Variants in AACS observed in about 807,000 individuals in gnomAD.
AACS encodes acetoacetate-CoA ligase.
Under a neutral mutation model 83.1 loss-of-function variants are expected in AACS, and 69 were observed. The ratio of observed to expected loss-of-function variants is 0.83; its 90% CI spans 0.68 to 1.01. The LOEUF is 1.01. Among genes scored for constraint, AACS ranks in the 50% least tolerant of loss-of-function variants. The pLI, the probability that AACS is intolerant of heterozygous loss-of-function variation, is 0.00. For missense variants in AACS, 866 were observed against 882.2 expected (o/e 0.98, Z 0.23); for synonymous variants, 333 against 343.4 (o/e 0.97, Z 0.33).
At chr12:125,121,539 T>C (rs1383175920) in intron 10 of AACS, 1 of 152,232 alleles carries the variant, frequency 6.6e-6, no homozygotes, top group Non-Finnish European at 1.5e-5. Flanking sequence ...TCAAAGAGCA[T>C]TTATTTTGTA....
At chr12:125,066,360 C>T (rs1432198914) in intron 1 of AACS, among the ~76,000 whole-genome samples, 1 of 151,930 alleles carries the variant, frequency 6.6e-6, no homozygotes, top group Non-Finnish European at 1.5e-5. Flanking sequence ...CGTGGGGTAA[C>T]CGCTCCGGGT....
At chr12:125,077,615 C>G (rs1956058139) in intron 3 of AACS, among the ~76,000 whole-genome samples, 1 of 152,040 alleles carries the variant, frequency 6.6e-6, no homozygotes, top group African/African-American at 2.4e-5. Flanking sequence ...AAGTCGTGTT[C>G]TGCCTCCAGA....
intron 7 of AACS, among the ~76,000 whole-genome samples, chr12:125,106,259 A>C (rs952366752): frequency 1.3e-5 from 2 of 152,206 alleles, no homozygotes; most frequent in African/African-American, 4.8e-5. Flanking sequence ...TGAATTCAAA[A>C]TAGAAAACCA....
chr12:125,080,462 G>T (rs1428067398), intron 3 of AACS, among the ~76,000 whole-genome samples: 1 of 145,864 alleles, frequency 6.9e-6, no homozygotes, highest in Non-Finnish European at 1.5e-5. Flanking sequence ...GACTGAACTG[G>T]GTGGGGTGTC....
chr12:125,078,495 T>A (rs1956085991), intron 3 of AACS: 1 of 370,522 alleles, frequency 2.7e-6, no homozygotes, highest in African/African-American at 2.1e-5. Flanking sequence ...CACCTGTCTG[T>A]TACATCCATT....
intron 5 of AACS, among the ~76,000 whole-genome samples, chr12:125,092,082 C>T (rs2136076591): frequency 6.6e-6 from 1 of 152,314 alleles, no homozygotes; most frequent in East Asian, 1.9e-4. Context: ...TGCTGATCCC[C>T]ACTGGGGCCC....
intron 3 of AACS, among the ~76,000 whole-genome samples, chr12:125,085,567 C>T (rs1208659555): frequency 6.6e-6 from 1 of 152,210 alleles, no homozygotes; most frequent in Non-Finnish European, 1.5e-5. Flanking sequence ...GAATCACGCA[C>T]ATGCACGTCG....
chr12:125,102,301 C>T (rs924699732), intron 5 of AACS: 10 of 189,550 alleles, frequency 5.3e-5, no homozygotes, highest in African/African-American at 1.7e-4. Context: ...TCACCTGCCT[C>T]GGCCTCTCAA....
intron 8 of AACS, among the ~76,000 whole-genome samples, chr12:125,108,463 G>A (rs1956880269): frequency 6.6e-6 from 1 of 152,096 alleles, no homozygotes; most frequent in Admixed American, 6.5e-5. Context: ...CCTTTTAAAG[G>A]CCCATTTAGT....
At chr12:125,117,733 A>G (rs1237137258) in intron 9 of AACS, 3 of 152,202 alleles carry the variant, frequency 2.0e-5, no homozygotes, top group African/African-American at 7.2e-5. Flanking sequence ...TGCCTGTAAT[A>G]CCAGCACTTT....
rs151031468 is a variant in AACS at position 125,087,157 on chromosome 12, C to T, written c.472+714C>T. ...CCTGAGGTGCTGGTCCGTTCTGACG[C>T]CCTTCCCGCCTTGAGCCATAAAGCA... On this transcript the variant is annotated intron_variant, in intron 4 of 17. Transcript: ENST00000316519. Among the ~76,000 whole-genome samples the T allele has an allele frequency of 2.4e-4, 37 of 152,170 alleles. 1 individual carries two copies. Among genetic ancestry groups the T allele is most frequent in the African/African-American group, 8.0e-4 (33 of 41,446 alleles).
intron 7 of AACS, among the ~76,000 whole-genome samples, chr12:125,104,418 C>T (rs1956789562): frequency 6.6e-6 from 1 of 152,218 alleles, no homozygotes; most frequent in South Asian, 2.1e-4. Context: ...AGGTACAAAT[C>T]ATGTGTCCTG....
intron 8 of AACS, among the ~76,000 whole-genome samples, chr12:125,109,798 A>G (rs1311126192): frequency 6.6e-6 from 1 of 152,098 alleles, no homozygotes; most frequent in East Asian, 1.9e-4. Flanking sequence ...TGACATTTTC[A>G]AAGAGCCCAG....
rs1471334746 is a variant in AACS at position 125,143,135 on chromosome 12, G to C, written c.*906G>C. 6.6e-6 allele frequency: 1 copy of C among 152,234 alleles called. No individual in the cohort carries two copies. The highest frequency in any genetic ancestry group is 1.5e-5 in the Non-Finnish European group (1 of 68,046). 9.4% of individuals were successfully genotyped at this position (152,234 alleles called of 1,614,324 possible). A position where few individuals can be genotyped will look rare whatever the true frequency, so the allele number is the denominator to read the frequency against. ...ACGGGTTTCCATAGCCAGGCAGTTG[G>C]TATGTACAATTCAGTTCAGCGTATG... On this transcript the variant is annotated 3_prime_UTR_variant, in exon 18 of 18. Coordinates refer to ENST00000316519, the MANE Select transcript of AACS (RefSeq NM_023928.5).
intron 9 of AACS, chr12:125,118,078 G>A (rs1316516445): frequency 6.5e-6 from 1 of 152,850 alleles, no homozygotes; most frequent in Non-Finnish European, 1.5e-5. Flanking sequence ...GGGAGTAGGT[G>A]TGGGTGGGCC....
intron 8 of AACS, among the ~76,000 whole-genome samples, chr12:125,108,325 G>T (rs1956878094): frequency 6.6e-6 from 1 of 152,180 alleles, no homozygotes; most frequent in South Asian, 2.1e-4. Context: ...CCGCCTTCTT[G>T]CTCTGTCCTC....
At chr12:125,088,807 G>A (rs768373187) in intron 4 of AACS, among the ~76,000 whole-genome samples, 8 of 152,220 alleles carry the variant, frequency 5.3e-5, no homozygotes, top group Non-Finnish European at 1.0e-4. Flanking sequence ...CCCTTCAGAG[G>A]TGAGCTGGTT....
At chr12:125,112,666 G>A (rs531921473) in intron 8 of AACS, among the ~76,000 whole-genome samples, 6 of 87,328 alleles carry the variant, frequency 6.9e-5, no homozygotes, top group Admixed American at 3.7e-4. Context: ...GTGACAGAGC[G>A]AGACTCTGTC....
chr12:125,077,198 G>A (rs1268581676), intron 3 of AACS, among the ~76,000 whole-genome samples: 1 of 151,236 alleles, frequency 6.6e-6, no homozygotes, highest in Admixed American at 6.6e-5. Context: ...TTTCAGACAT[G>A]AGCCACTGCA....
Sources: allele counts gnomAD v4.1 joint callset (sites outside exome capture counted in the v4.1 genomes callset), GRCh38; gene constraint gnomAD v4.1.1; transcripts MANE v1.5; gene names NCBI Gene and HGNC (gene_info 2026-07-23, HGNC 2026-07-21).